HS3ST4: variants seen among roughly 807,000 people sequenced by gnomAD.
HS3ST4 encodes the protein heparan sulfate glucosamine 3-O-sulfotransferase 4.
A neutral mutation model predicts 29.2 loss-of-function variants in HS3ST4; 17 were observed. That is an observed-to-expected ratio of 0.58 (90% CI 0.40 to 0.87). HS3ST4 has a LOEUF of 0.87. Ranked by LOEUF, HS3ST4 falls within the 40% of genes least tolerant of loss-of-function variation. The probability of loss-of-function intolerance (pLI) is 0.00; values close to 1 mark genes in which losing one functional copy is unlikely to be tolerated. For missense variants in HS3ST4, 627 were observed against 634.5 expected (o/e 0.99, Z 0.13); for synonymous variants, 314 against 285.7 (o/e 1.10, Z -1.00).
chr16:26,054,562 G>T (rs1176113038), intron 1 of HS3ST4, among the ~76,000 whole-genome samples: 1 of 152,170 alleles, frequency 6.6e-6, no homozygotes, highest in Non-Finnish European at 1.5e-5. Context: ...AGAACAATTG[G>T]TCCGAAAACC....
chr16:26,040,052 C>T (rs2141758081), intron 1 of HS3ST4, among the ~76,000 whole-genome samples: 1 of 152,210 alleles, frequency 6.6e-6, no homozygotes, highest in African/African-American at 2.4e-5. Context: ...ACCAATTTGC[C>T]CTCTAAAAAG....
intron 1 of HS3ST4, among the ~76,000 whole-genome samples, chr16:25,983,766 C>T (rs1266198779): frequency 3.9e-5 from 6 of 152,146 alleles, no homozygotes; most frequent in Non-Finnish European, 7.3e-5. Context: ...CATTCACCAG[C>T]CTGTGAGTCA....
At chr16:25,762,376 G>C (rs928987692) in intron 1 of HS3ST4, among the ~76,000 whole-genome samples, 7 of 151,290 alleles carry the variant, frequency 4.6e-5, no homozygotes, top group Non-Finnish European at 1.0e-4. Context: ...GAGAAGGGGT[G>C]TGGGTGATGG....
intron 1 of HS3ST4, among the ~76,000 whole-genome samples, chr16:25,715,292 G>T (rs969421893): frequency 7.9e-5 from 11 of 138,894 alleles, no homozygotes; most frequent in Non-Finnish European, 1.5e-4. Context: ...ACTGCAGTCC[G>T]CAGTCCGGCC....
At chr16:26,013,966 C>T (rs1054385235) in intron 1 of HS3ST4, among the ~76,000 whole-genome samples, 1 of 151,220 alleles carries the variant, frequency 6.6e-6, no homozygotes, top group African/African-American at 2.4e-5. Context: ...TGAGATCGCG[C>T]CACCGCATTC....
intron 1 of HS3ST4, among the ~76,000 whole-genome samples, chr16:26,102,042 T>C (rs1020492649): frequency 6.6e-6 from 1 of 152,220 alleles, no homozygotes; most frequent in Non-Finnish European, 1.5e-5. Context: ...TTGGCATTAG[T>C]TCCCTTCCTT....
intron 1 of HS3ST4, among the ~76,000 whole-genome samples, chr16:26,000,414 T>C (rs1356617275): frequency 2.0e-5 from 3 of 152,174 alleles, no homozygotes; most frequent in Non-Finnish European, 4.4e-5. Context: ...AAAAGTGATA[T>C]ATCTTGAGAG....
chr16:25,848,440 T>A (rs1034322259), intron 1 of HS3ST4, among the ~76,000 whole-genome samples: 2 of 143,560 alleles, frequency 1.4e-5, no homozygotes, highest in African/African-American at 5.3e-5. Flanking sequence ...GTGCCCAGCC[T>A]AATTTTAAAC....
At chr16:25,724,063 G>A (rs1467941197) in intron 1 of HS3ST4, among the ~76,000 whole-genome samples, 1 of 140,634 alleles carries the variant, frequency 7.1e-6, no homozygotes, top group African/African-American at 2.7e-5. Flanking sequence ...GCAGAGAGCC[G>A]AGGTCGTGCC....
intron 1 of HS3ST4, among the ~76,000 whole-genome samples, chr16:25,699,219 G>A (rs1169559664): frequency 6.6e-6 from 1 of 152,154 alleles, no homozygotes; most frequent in African/African-American, 2.4e-5. Flanking sequence ...CTGTGCAGTG[G>A]CCAGAATCGT....
chr16:25,988,371 A>C (rs539494834), intron 1 of HS3ST4, among the ~76,000 whole-genome samples: 1 of 152,184 alleles, frequency 6.6e-6, no homozygotes, highest in South Asian at 2.1e-4. Flanking sequence ...CCCTCCCCCA[A>C]GCTGAGGCCA....
chr16:25,772,236 C>G (rs1596566120), intron 1 of HS3ST4, among the ~76,000 whole-genome samples: 1 of 152,312 alleles, frequency 6.6e-6, no homozygotes, highest in East Asian at 1.9e-4. Flanking sequence ...TCTTAGTTGC[C>G]TAAACCACAG....
Position 25,729,590 on chromosome 16 carries a change from C to G in HS3ST4, c.734+36439C>G, listed in dbSNP as rs74014828. On this transcript the variant is annotated intron_variant, in intron 1 of 1. Coordinates refer to ENST00000331351, the MANE Select transcript of HS3ST4 (RefSeq NM_006040.3). ...GATTTCGAAGTACAAATTAGTGATG[C>G]CTTGTATTGTAACAGACTTGAATCC... is the stretch of plus-strand genomic sequence containing the variant. Among the ~76,000 whole-genome samples the G allele has an allele frequency of 5.1e-3, 776 of 152,266 alleles. 6 individuals carry two copies. The highest frequency in any genetic ancestry group is 0.018 in the African/African-American group (728 of 41,522).
At chr16:25,997,483 A>C (rs1969167768) in intron 1 of HS3ST4, among the ~76,000 whole-genome samples, 1 of 152,202 alleles carries the variant, frequency 6.6e-6, no homozygotes, top group African/African-American at 2.4e-5. Context: ...GTTCAGACTG[A>C]CTTCAGGAAA....
intron 1 of HS3ST4, among the ~76,000 whole-genome samples, chr16:25,766,491 G>A (rs148665688): frequency 6.6e-6 from 1 of 152,316 alleles, no homozygotes; most frequent in African/African-American, 2.4e-5. Context: ...GTTAGGTGGT[G>A]ACAGTTCTGT....
chr16:25,898,905 G>A (rs1231707028), intron 1 of HS3ST4, among the ~76,000 whole-genome samples: 2 of 152,212 alleles, frequency 1.3e-5, no homozygotes, highest in African/African-American at 4.8e-5. Flanking sequence ...ATGCTCTTTA[G>A]TGCTGTTTTC....
chr16:26,073,453 T>C (rs1898625145), intron 1 of HS3ST4, among the ~76,000 whole-genome samples: 1 of 152,110 alleles, frequency 6.6e-6, no homozygotes, highest in Non-Finnish European at 1.5e-5. Flanking sequence ...TGGCTCACTG[T>C]AGCCTTGACC....
chr16:26,057,753 G>T (rs1898427113), intron 1 of HS3ST4, among the ~76,000 whole-genome samples: 1 of 150,818 alleles, frequency 6.6e-6, no homozygotes, highest in Non-Finnish European at 1.5e-5. Context: ...TAAAGATAAA[G>T]AAAGAAAGAA....
At chr16:25,877,488 T>C (rs1967844518) in intron 1 of HS3ST4, among the ~76,000 whole-genome samples, 1 of 152,288 alleles carries the variant, frequency 6.6e-6, no homozygotes, top group East Asian at 1.9e-4. Flanking sequence ...AAATCTCCAT[T>C]ACCTCTCTGG....
Sources: allele counts gnomAD v4.1 joint callset (sites outside exome capture counted in the v4.1 genomes callset), GRCh38; gene constraint gnomAD v4.1.1; transcripts MANE v1.5; gene names NCBI Gene and HGNC (gene_info 2026-07-23, HGNC 2026-07-21).